The following SYNE3 variants were observed in gnomAD, a reference collection of about 807,000 sequenced individuals.
The protein encoded by SYNE3 is spectrin repeat containing nuclear envelope family member 3.
Under a neutral mutation model 111.2 loss-of-function variants are expected in SYNE3, and 100 were observed. The observed-to-expected ratio is 0.90, with a 90% CI of 0.77 to 1.06. SYNE3 has a LOEUF of 1.06. Ranked by LOEUF, SYNE3 falls within the 50% of genes least tolerant of loss-of-function variation. The pLI is 0.00. For missense variants in SYNE3, 1,160 were observed against 1,240.3 expected (o/e 0.94, Z 0.97); for synonymous variants, 547 against 533.9 (o/e 1.02, Z -0.34).
chr14:95,450,241 G>GCA, intron 7 of SYNE3, 136 bp from the exon 8 acceptor site: 1 of 1,003,040 alleles, frequency 1.0e-6, no homozygotes, highest in Non-Finnish European at 1.4e-6. Flanking sequence ...TTCAGTTGCT[G>GCA]GGAATGTCTG....
At chr14:95,419,398 C>T (rs983409742) in intron 17 of SYNE3, among the ~76,000 whole-genome samples, 1 of 151,930 alleles carries the variant, frequency 6.6e-6, no homozygotes, top group Non-Finnish European at 1.5e-5. Context: ...TATATATATA[C>T]CTTGATTGAT....
intron 14 of SYNE3, 178 bp downstream of exon 14, chr14:95,438,855 G>A: frequency 2.4e-6 from 2 of 827,392 alleles, no homozygotes. Context: ...CCTCTGTGGA[G>A]TAGGATCAAA....
At chr14:95,433,512 G>T in intron 15 of SYNE3, 103 bp from the exon 16 acceptor site, 1 of 1,497,086 alleles carries the variant, frequency 6.7e-7, no homozygotes. Flanking sequence ...CAGACAGGTA[G>T]GCAGGGAGGA....
rs1213614902 is a variant in SYNE3 at position 95,409,837 on chromosome 14, C to T, written c.*7989G>A. On this transcript the variant is annotated 3_prime_UTR_variant, in exon 18 of 18. Coordinates refer to ENST00000682763, the MANE Select transcript of SYNE3 (RefSeq NM_152592.6). ...ACTGGCAATTGGGTGATGAGGGCCACCTGTGGGGTGCCCCCACCCACTTTC... is the reference window on the plus strand; with the variant it reads ...ACTGGCAATTGGGTGATGAGGGCCATCTGTGGGGTGCCCCCACCCACTTTC... 4 of 176,700 alleles carry T rather than the reference C, an allele frequency of 2.3e-5. No individual in the cohort carries two copies. In the South Asian group the frequency reaches 5.0e-4, roughly 22 times the overall value. 10.9% of individuals were successfully genotyped at this position (176,700 alleles called of 1,614,324 possible).
At position 95,470,486 on chromosome 14, in the gene SYNE3, T is replaced by TA. The variant is rs59910933; in HGVS notation, c.145-2520dup. Among the ~76,000 whole-genome samples, 11,529 of 134,338 alleles carry TA rather than the reference T, an allele frequency of 0.086. 873 individuals are homozygous for TA. The highest frequency in any genetic ancestry group is 0.22 in the African/African-American group (8,044 of 36,936). 88.1% of individuals were successfully genotyped at this position (134,338 alleles called of 152,430 possible). A position where few individuals can be genotyped will look rare whatever the true frequency, so the allele number is the denominator to read the frequency against. On this transcript the variant is annotated intron_variant, in intron 2 of 17. Coordinates refer to ENST00000682763, the MANE Select transcript of SYNE3 (RefSeq NM_152592.6). This position sits in a 1 kb window ranked among gnomAD's most constrained non-coding sequence, Gnocchi z 4.2. ...TCTCTCCAAAAGCATTTTTTTTAAT[T>TA]AAAAAAAAAAAAAAACTAGCCAGGC...
rs1462157916 is a variant in SYNE3, at chr14:95,470,451, T to G, written c.145-2484A>C. Among the ~76,000 whole-genome samples, 1 of 149,234 alleles carries G rather than the reference T, an allele frequency of 6.7e-6. No homozygotes were observed. Among genetic ancestry groups the G allele is most frequent in the Non-Finnish European group, 1.5e-5 (1 of 67,578 alleles). On this transcript the variant is annotated intron_variant, in intron 2 of 17. Coordinates refer to ENST00000682763, the MANE Select transcript of SYNE3 (RefSeq NM_152592.6). The surrounding 1 kb of genome is among the most constrained non-coding windows in gnomAD (Gnocchi z 4.2). ...TATGCAACCACTCTGGGCAAGACAG[T>G]GAGGCCCCATCTCTCCAAAAGCATT...
rs1366946871 is a variant in SYNE3 at position 95,516,576 on chromosome 14, C to T, written c.-15+20G>A. On this transcript the variant is annotated intron_variant, in intron 1 of 17. Transcript: ENST00000682763. ...CGGCCCCCGGCCCCAGGCCTGGCCT[C>T]CCGGCCCCGTGCCACTTACCCTCCC... Among the ~76,000 whole-genome samples the T allele has an allele frequency of 2.6e-5, 4 of 151,634 alleles. No homozygotes were observed. The East Asian group carries it at 7.8e-4, about 29-fold the overall frequency.
At chr14:95,502,275 A>G (rs1027090556) in intron 1 of SYNE3, among the ~76,000 whole-genome samples, 1 of 17,498 alleles carries the variant, frequency 5.7e-5, no homozygotes, top group Non-Finnish European at 1.2e-4. Context: ...CCCCACCCCC[A>G]CCCCCACCTT....
At chr14:95,457,841 A>G (rs1011596917) in intron 4 of SYNE3, among the ~76,000 whole-genome samples, 13 of 152,158 alleles carry the variant, frequency 8.5e-5, no homozygotes, top group African/African-American at 2.9e-4. Flanking sequence ...TGACTTGCCC[A>G]AGGTCACCCA....
chr14:95,462,036 G>A (rs1887857401), intron 4 of SYNE3, among the ~76,000 whole-genome samples: 1 of 152,216 alleles, frequency 6.6e-6, no homozygotes, highest in South Asian at 2.1e-4. Context: ...CAAGGGCGAT[G>A]GAGAAGTTTG....
intron 1 of SYNE3, among the ~76,000 whole-genome samples, chr14:95,515,706 G>A (rs896408545): frequency 2.0e-5 from 3 of 152,214 alleles, no homozygotes; most frequent in Non-Finnish European, 4.4e-5. Flanking sequence ...CAGGGATAAG[G>A]GTGACCCTTC....
intron 4 of SYNE3, among the ~76,000 whole-genome samples, chr14:95,459,724 C>T (rs533145117): frequency 9.8e-5 from 15 of 152,300 alleles, no homozygotes; most frequent in African/African-American, 3.6e-4. Context: ...GCAACCACCA[C>T]TGCAAGTAGG....
At chr14:95,426,452 C>T (rs150207015) in intron 17 of SYNE3, among the ~76,000 whole-genome samples, 1,998 of 152,234 alleles carry the variant, frequency 0.013, 18 homozygotes, top group Non-Finnish European at 0.021. Flanking sequence ...CCCCATCCCA[C>T]GTGAGAGAGA....
intron 10 of SYNE3, 194 bp downstream of exon 10, chr14:95,444,291 G>A (rs1886576205): frequency 3.0e-6 from 2 of 659,898 alleles, no homozygotes; most frequent in African/African-American, 3.6e-5. Flanking sequence ...TCAAGACTCA[G>A]TTGTTTGAGG....
intron 17 of SYNE3, among the ~76,000 whole-genome samples, chr14:95,426,227 C>T (rs111285160): frequency 0.017 from 2,656 of 152,234 alleles, 89 homozygotes; most frequent in African/African-American, 0.06. Context: ...GCTCTGTAGA[C>T]GGACGGAGTG....
Position 95,429,824 on chromosome 14 carries a change from C to G in SYNE3, c.2727+2255G>C. 3 of 605,866 alleles carry G rather than the reference C, an allele frequency of 5.0e-6. No homozygotes were observed. The South Asian group carries it at 2.2e-4, about 44-fold the overall frequency. 37.5% of individuals were successfully genotyped at this position (605,866 alleles called of 1,614,324 possible). On this transcript the variant is annotated intron_variant, in intron 17 of 17. Coordinates refer to ENST00000682763, the MANE Select transcript of SYNE3 (RefSeq NM_152592.6). ...GTGTGACCTTCAGAGCTCTCTGACC[C>G]AGAGATTCCCACTGTGCTACTGAGC... is the stretch of plus-strand genomic sequence containing the variant.
intron 1 of SYNE3, among the ~76,000 whole-genome samples, chr14:95,510,991 G>A (rs1286495646): frequency 2.0e-5 from 3 of 152,330 alleles, no homozygotes; most frequent in South Asian, 2.1e-4. Flanking sequence ...CCCATGGCCC[G>A]CCCAGGCTGG....
chr14:95,444,657 T>C, intron 9 of SYNE3, 29 bp from the exon 10 acceptor site: 1 of 1,543,924 alleles, frequency 6.5e-7, no homozygotes, highest in Non-Finnish European at 8.8e-7. Context: ...GTGTGCACAT[T>C]AAGAGCGTTC....
rs1217288729 is a variant in SYNE3, at chr14:95,415,576, G to A, written c.*2250C>T. On this transcript the variant is annotated 3_prime_UTR_variant, in exon 18 of 18. Coordinates refer to ENST00000682763, the MANE Select transcript of SYNE3 (RefSeq NM_152592.6). ...TAGTCTTGTAGAAATAAGTTAAACT[G>A]AAGCAGCTTGAGGGAAGGAACTTGA... 1 of 152,038 alleles carries A rather than the reference G, an allele frequency of 6.6e-6. No homozygotes were observed. Among genetic ancestry groups the A allele is most frequent in the South Asian group, 2.1e-4 (1 of 4,822 alleles). The allele number at this position is 152,038 out of a possible 1,614,324, so 9.4% of individuals were successfully genotyped here.
Sources: gnomAD v4.1 joint callset for allele counts (sites outside exome capture counted in the v4.1 genomes callset) on GRCh38, gnomAD v4.1.1 for gene constraint, Gnocchi (gnomAD v3.1) non-coding constraint, MANE v1.5 for transcripts, NCBI Gene and HGNC (gene_info 2026-07-23, HGNC 2026-07-21) for gene names.